DNAH5: variants seen among roughly 807,000 people sequenced by gnomAD.
DNAH5 encodes dynein axonemal heavy chain 5.
In DNAH5, 372 loss-of-function variants were observed where a neutral mutation model predicts 518.2. That is an observed-to-expected ratio of 0.72 (90% CI 0.66 to 0.78). DNAH5 has a LOEUF of 0.78. Ranked by LOEUF, DNAH5 falls within the 30% of genes least tolerant of loss-of-function variation. The probability of loss-of-function intolerance (pLI) is 0.00; values close to 1 mark genes in which losing one functional copy is unlikely to be tolerated. For synonymous variants in DNAH5, 2,039 were observed against 2,025.9 expected, an observed-to-expected ratio of 1.01 and a Z score of -0.17; for missense variants, 5,523 against 5,687.0, an observed-to-expected ratio of 0.97 and a Z score of 0.93.
intron 47 of DNAH5, among the ~76,000 whole-genome samples, chr5:13,794,687 C>T (rs879738406): frequency 3.3e-5 from 5 of 152,168 alleles, no homozygotes; most frequent in Non-Finnish European, 7.3e-5. Flanking sequence ...TCCTTGAGGC[C>T]GGGCACGGTG....
intron 71 of DNAH5, among the ~76,000 whole-genome samples, chr5:13,720,075 G>C (rs775343305): frequency 6.9e-6 from 1 of 145,692 alleles, no homozygotes; most frequent in Non-Finnish European, 1.5e-5. Context: ...TCACTGACTA[G>C]AGCTGCATGA....
chr5:13,817,425 T>C (rs1317124487), intron 42 of DNAH5, 123 bp downstream of exon 42: 1 of 950,408 alleles, frequency 1.1e-6, no homozygotes, highest in African/African-American at 1.6e-5. Context: ...CACTGATTTA[T>C]GACTTCTTAG....
intron 35 of DNAH5, among the ~76,000 whole-genome samples, chr5:13,837,126 C>A (rs1344087781): frequency 1.3e-5 from 2 of 152,210 alleles, no homozygotes; most frequent in Non-Finnish European, 2.9e-5. Context: ...TGATTACAAT[C>A]CCGTGAGACC....
intron 12 of DNAH5, among the ~76,000 whole-genome samples, chr5:13,907,580 C>T (rs976516931): frequency 2.0e-5 from 3 of 152,150 alleles, no homozygotes; most frequent in Non-Finnish European, 4.4e-5. Flanking sequence ...AAATCCTTTT[C>T]ATGAACCCCT....
chr5:13,958,252 C>T lies in DNAH5; in HGVS notation c.13-27008G>A, dbSNP rs374835938. On this transcript the variant is annotated intron_variant, in intron 1 of 78. Coordinates refer to the DNAH5 transcript ENST00000681290. ...TAAAATTCATCTCTCCAAAATTATA[C>T]TCTTTGATTTCCATGAGAAATTTAA... Among the ~76,000 whole-genome samples, 3 of 151,940 alleles carry T rather than the reference C, an allele frequency of 2.0e-5. No homozygotes were observed. In the East Asian group the frequency reaches 5.8e-4, roughly 29 times the overall value.
chr5:13,725,887 C>T (rs1414984445), intron 70 of DNAH5, among the ~76,000 whole-genome samples: 3 of 152,104 alleles, frequency 2.0e-5, no homozygotes, highest in Admixed American at 6.5e-5. Context: ...CCCCTGACCT[C>T]GTGATCCACC....
intron 52 of DNAH5, among the ~76,000 whole-genome samples, chr5:13,783,539 C>T (rs72732630): frequency 0.012 from 1,857 of 152,162 alleles, 9 homozygotes; most frequent in Middle Eastern, 0.017. Context: ...ATAAGCAGCC[C>T]GTTGTTCTGG....
At position 13,851,007 on chromosome 5, in the gene DNAH5, A is replaced by C. The variant is rs145720672; in HGVS notation, c.4951-192T>G. On this transcript the variant is annotated intron_variant, in intron 30 of 78. Transcript: ENST00000265104. ...CTGTGCCATATCATCCCCTGTATTA[A>C]GTAAGCATCCTTAGCTCAACCTTGG... Among the ~76,000 whole-genome samples, 259 of 152,318 alleles carry C rather than the reference A, an allele frequency of 1.7e-3. 2 individuals are homozygous for C. The highest frequency in any genetic ancestry group is 5.8e-3 in the African/African-American group (241 of 41,566).
Position 13,891,010 on chromosome 5 carries a change from G to T in DNAH5, c.2543C>A (p.Pro848Gln), listed in dbSNP as rs764513450. The T allele has an allele frequency of 1.2e-5, 19 of 1,614,148 alleles. No homozygotes were observed. The highest frequency in any genetic ancestry group is 1.5e-5 in the Non-Finnish European group (18 of 1,180,004). ...TPLCQLPQEE[P>Q]LTCEEFLQMT... ...TTGGAGAAACTCTTCACAGGTTAGT[G>T]GCTCCTCCTGGGGAAGCTGACAAAG... The change falls in exon 17 of 79, where the codon CCA (proline) becomes CAA (glutamine). Residue 848 changes from proline (P) to glutamine (Q), a missense_variant. Around this residue, in one of 3 missense-constraint regions of DNAH5, gnomAD observed 5,121 missense variants for 5,223.3 expected, o/e 0.98. Transcript: ENST00000265104.
intron 3 of DNAH5, among the ~76,000 whole-genome samples, chr5:13,926,251 C>T (rs1233196589): frequency 6.6e-6 from 1 of 152,194 alleles, no homozygotes; most frequent in East Asian, 1.9e-4. Context: ...TACCAAATTT[C>T]AGAGGCCATC....
At chr5:13,774,000 GGTAGGATCAGCTCTTCCC>G (rs1315538296) in intron 55 of DNAH5, among the ~76,000 whole-genome samples, 1 of 152,210 alleles carries the variant, frequency 6.6e-6, no homozygotes, top group Non-Finnish European at 1.5e-5. Context: ...TGGGGAGGTA[GGTAGGATCAGCTCTTCCC>G]AGCACGAAGG....
At chr5:13,845,792 C>T (rs17338872) in intron 31 of DNAH5, among the ~76,000 whole-genome samples, 58,544 of 145,152 alleles carry the variant, frequency 0.4, 12,173 homozygotes, top group East Asian at 0.61. Context: ...TTGCTCTTCC[C>T]TTATCATTTG....
intron 68 of DNAH5, among the ~76,000 whole-genome samples, chr5:13,730,169 T>A (rs1746290568): frequency 6.6e-6 from 1 of 152,168 alleles, no homozygotes; most frequent in Admixed American, 6.5e-5. Flanking sequence ...AACAAACATT[T>A]CCATTTGGTA....
At chr5:13,773,088 G>T (rs1456732142) in intron 55 of DNAH5, among the ~76,000 whole-genome samples, 1 of 152,160 alleles carries the variant, frequency 6.6e-6, no homozygotes, top group East Asian at 1.9e-4. Flanking sequence ...ATTGAAGAAA[G>T]AAACCATGTC....
intron 7 of DNAH5, among the ~76,000 whole-genome samples, chr5:13,917,779 T>C (rs1776803212): frequency 6.6e-6 from 1 of 152,256 alleles, no homozygotes; most frequent in African/African-American, 2.4e-5. Context: ...GTACATTCCA[T>C]TGACTTCACG....
In DNAH5 at chr5:13,753,549, C is replaced by T; in HGVS notation, c.10556G>A (p.Gly3519Glu). ...EFAAQTKRLV[G>E]DVLLATAFLS... ...AAAAGCTGTAGCCAACAGTACATCC[C>T]CTAAAATAGAAAACAAACACCATTG... The change falls in exon 63 of 79, where the codon GGG becomes GAG. Residue 3519 changes from glycine to glutamate, a missense_variant and splice_region_variant. Gly to Glu is a moderately conservative substitution (Grantham distance 98, BLOSUM62 -2). Around this residue, in one of 3 missense-constraint regions of DNAH5, gnomAD observed 5,121 missense variants for 5,223.3 expected, o/e 0.98. Transcript: ENST00000265104. 1 of 1,612,176 alleles carries T rather than the reference C, an allele frequency of 6.2e-7. No individual in the cohort carries two copies. The highest frequency in any genetic ancestry group is 8.5e-7 in the Non-Finnish European group (1 of 1,178,950).
At chr5:13,821,188 AC>A (rs1209941621) in intron 40 of DNAH5, among the ~76,000 whole-genome samples, 22 of 152,326 alleles carry the variant, frequency 1.4e-4, no homozygotes, top group African/African-American at 5.1e-4. Context: ...GGAACTGAAA[AC>A]ATTTATATAA....
At chr5:13,762,050 T>C (rs1191959901) in intron 60 of DNAH5, among the ~76,000 whole-genome samples, 1 of 152,238 alleles carries the variant, frequency 6.6e-6, no homozygotes, top group Non-Finnish European at 1.5e-5. Flanking sequence ...CCATGAGATA[T>C]GATTTTGAGA....
At chr5:13,927,233 G>A (rs532640365) in intron 3 of DNAH5, among the ~76,000 whole-genome samples, 1 of 152,216 alleles carries the variant, frequency 6.6e-6, no homozygotes, top group South Asian at 2.1e-4. Flanking sequence ...GGTGGCTCAC[G>A]CCTATATCCC....
Sources: allele counts gnomAD v4.1 joint callset (sites outside exome capture counted in the v4.1 genomes callset), GRCh38; gene constraint gnomAD v4.1.1; regional missense constraint gnomAD v4.1.1; transcripts MANE v1.5; gene names NCBI Gene and HGNC (gene_info 2026-07-23, HGNC 2026-07-21).